TNFRSF8: variants seen among roughly 807,000 people sequenced by gnomAD.
TNFRSF8 encodes the protein TNF receptor superfamily member 8.
In TNFRSF8, 26 loss-of-function variants were observed where a neutral mutation model predicts 70.8. The ratio of observed to expected loss-of-function variants is 0.37; its 90% confidence interval spans 0.27 to 0.51. The LOEUF (loss-of-function observed/expected upper bound fraction) is 0.51. Among genes scored for constraint, TNFRSF8 ranks in the 20% least tolerant of loss-of-function variants. The pLI is 0.94. For missense variants in TNFRSF8, 720 were observed against 807.9 expected (o/e 0.89, Z 1.32); for synonymous variants, 356 against 339.2 (o/e 1.05, Z -0.54).
At chr1:12,081,013 A>G (rs1442096492) in intron 1 of TNFRSF8, among the ~76,000 whole-genome samples, 1 of 152,218 alleles carries the variant, frequency 6.6e-6, no homozygotes, top group African/African-American at 2.4e-5. Context: ...CTCATCTGTA[A>G]CATGGGGTAG....
rs144718893 is a variant in TNFRSF8 at position 12,083,913 on chromosome 1, C to T, written c.64-551C>T. ...TCAACACTAATAGAGCGATAGAAAT[C>T]AGCCTTTTGGGAGGAGTGTGTGGGA... On this transcript the variant is annotated intron_variant, in intron 1 of 14. Coordinates refer to ENST00000263932, the MANE Select transcript of TNFRSF8 (RefSeq NM_001243.5). Among the ~76,000 whole-genome samples the T allele has an allele frequency of 2.2e-4, 34 of 152,252 alleles. No individual in the cohort carries two copies. In the East Asian group the frequency reaches 6.6e-3, roughly 29 times the overall value.
chr1:12,125,882 C>A (rs770909036), intron 10 of TNFRSF8, 69 bp from the exon 11 acceptor site: 2 of 1,239,894 alleles, frequency 1.6e-6, no homozygotes, highest in Non-Finnish European at 2.4e-6. Flanking sequence ...AGGAGGAAGT[C>A]GTCTGGGGCT....
chr1:12,083,089 A>G (rs564332646), intron 1 of TNFRSF8, among the ~76,000 whole-genome samples: 19 of 152,360 alleles, frequency 1.2e-4, no homozygotes, highest in African/African-American at 4.3e-4. Context: ...AGAGAAATGC[A>G]AATAAAAACC....
chr1:12,072,743 A>G (rs1640869193), intron 1 of TNFRSF8, among the ~76,000 whole-genome samples: 1 of 152,184 alleles, frequency 6.6e-6, no homozygotes. Context: ...TCCTGCTCTC[A>G]GAGAGTGCGT....
chr1:12,113,062 T>G lies in TNFRSF8; in HGVS notation c.793+1048T>G, dbSNP rs1238612522. Reference sequence around the variant, plus strand: ...AAAACTTAATTGTGAAAACAAATCATTCTTTGTACTCACAGATTCTGTGAG... The same window carrying G: ...AAAACTTAATTGTGAAAACAAATCAGTCTTTGTACTCACAGATTCTGTGAG... On this transcript the variant is annotated intron_variant, in intron 7 of 14. Transcript: ENST00000263932. This position sits in a 1 kb window ranked among gnomAD's most constrained non-coding sequence, Gnocchi z 4.9. Among the ~76,000 whole-genome samples the G allele has an allele frequency of 6.6e-6, 1 of 152,252 alleles. No homozygotes were observed. The highest frequency in any genetic ancestry group is 1.5e-5 in the Non-Finnish European group (1 of 68,046).
intron 12 of TNFRSF8, among the ~76,000 whole-genome samples, chr1:12,129,860 A>G (rs984729344): frequency 5.9e-5 from 9 of 152,054 alleles, no homozygotes; most frequent in Non-Finnish European, 1.2e-4. Context: ...GTTACTTGAG[A>G]CTATGTCAAT....
At position 12,119,701 on chromosome 1, in the gene TNFRSF8, G is replaced by A. The variant is rs565004514; in HGVS notation, c.947-3583G>A. Among the ~76,000 whole-genome samples, 5 of 151,940 alleles carry A rather than the reference G, an allele frequency of 3.3e-5. No individual in the cohort carries two copies. Among genetic ancestry groups the A allele is most frequent in the East Asian group, 1.9e-4 (1 of 5,174 alleles). On this transcript the variant is annotated intron_variant, in intron 8 of 14. Transcript: ENST00000263932. The surrounding 1 kb of genome is among the most constrained non-coding windows in gnomAD (Gnocchi z 4.4). ...ACTGCAGCATTGAACTCCTGGGCTC[G>A]GGCGATCCTCCCACCTCAGCCTCCC...
intron 1 of TNFRSF8, among the ~76,000 whole-genome samples, chr1:12,084,026 C>G (rs1407397324): frequency 2.0e-5 from 3 of 152,160 alleles, no homozygotes; most frequent in African/African-American, 7.2e-5. Context: ...TGTAAAAATG[C>G]AGTTGGCTGT....
chr1:12,115,702 G>A lies in TNFRSF8; in HGVS notation c.919G>A (p.Ala307Thr). Residue 307 changes from alanine to threonine, a missense_variant, in exon 8 of 15, where the codon GCA (alanine) becomes ACA (threonine). By Grantham distance (58) the Ala-to-Thr change is moderately conservative (BLOSUM62 0). Transcript: ENST00000263932. ...CCGCTGTGTCCCCTACCCAATCTGT[G>A]CAGCAGAGACGGTCACCAAGCCCCA... Reference protein sequence around the residue: ...CARCVPYPICAAETVTKPQDM... With the variant: ...CARCVPYPICTAETVTKPQDM... 6.2e-7 allele frequency: 1 copy of A among 1,614,182 alleles called. No homozygotes were observed. The highest frequency in any genetic ancestry group is 8.5e-7 in the Non-Finnish European group (1 of 1,180,042).
Position 12,123,354 on chromosome 1 carries a change from A to G in TNFRSF8, c.1017A>G (p.Pro339=). The G allele has an allele frequency of 1.9e-6, 3 of 1,612,554 alleles. No homozygotes were observed. Among genetic ancestry groups the G allele is most frequent in the Non-Finnish European group, 2.5e-6 (3 of 1,179,490 alleles). Residue 339 remains proline (P), a synonymous_variant, in exon 9 of 15, where the codon CCA becomes CCG. Transcript: ENST00000263932. The stretch of plus-strand genomic sequence containing the variant: ...CCCAGCCGGACTGCAACCCCACCCC[A>G]GAGAATGGCGAGGCGCCTGCCAGGT... ...LGTQPDCNPT[P]ENGEAPASTS...
intron 12 of TNFRSF8, among the ~76,000 whole-genome samples, chr1:12,128,199 T>A (rs1279755402): frequency 2.6e-5 from 4 of 152,262 alleles, no homozygotes; most frequent in African/African-American, 4.8e-5. Flanking sequence ...TTGCAGGCTC[T>A]GTGCCGGGCC....
At position 12,106,098 on chromosome 1, in the gene TNFRSF8, G is replaced by A. The variant is rs199514928; in HGVS notation, c.421+1567G>A. On this transcript the variant is annotated intron_variant, in intron 4 of 14. Transcript: ENST00000263932. The stretch of plus-strand genomic sequence containing the variant: ...GGGCTTTTAGCGGTTCTTGGCGGGA[G>A]GATGAGGGGAAAACGTGTCTAAGCC... 1.4e-4 allele frequency among the ~76,000 whole-genome samples: 22 copies of A among 152,150 alleles called. No individual in the cohort carries two copies. The East Asian group carries it at 4.3e-3, about 29-fold the overall frequency.
At chr1:12,128,928 G>A (rs148294343) in intron 12 of TNFRSF8, among the ~76,000 whole-genome samples, 100 of 144,426 alleles carry the variant, frequency 6.9e-4, no homozygotes, top group African/African-American at 2.2e-3. Flanking sequence ...TCCGCCTCAC[G>A]GGTTCAAGTG....
intron 2 of TNFRSF8, among the ~76,000 whole-genome samples, chr1:12,085,990 C>T (rs920540172): frequency 7.2e-5 from 11 of 152,178 alleles, no homozygotes; most frequent in African/African-American, 2.7e-4. Flanking sequence ...GGTTCATCAT[C>T]GCCACTTCTT....
chr1:12,092,763 C>T (rs1251302756), intron 2 of TNFRSF8, among the ~76,000 whole-genome samples: 1 of 151,980 alleles, frequency 6.6e-6, no homozygotes, highest in Non-Finnish European at 1.5e-5. Flanking sequence ...CTGCCTCGAC[C>T]TCCCAAAGTG....
chr1:12,120,595 A>G (rs545121138), intron 8 of TNFRSF8, among the ~76,000 whole-genome samples: 1 of 152,356 alleles, frequency 6.6e-6, no homozygotes, highest in East Asian at 1.9e-4. Flanking sequence ...TGCTGAGACA[A>G]TTCTTTAAAT....
At chr1:12,097,307 A>G (rs1459987925) in intron 3 of TNFRSF8, 90 bp downstream of exon 3, 5 of 925,216 alleles carry the variant, frequency 5.4e-6, no homozygotes, top group Non-Finnish European at 8.6e-6. Flanking sequence ...GGTGGAGAGC[A>G]TCATGATTTG....
intron 4 of TNFRSF8, among the ~76,000 whole-genome samples, chr1:12,107,296 G>A (rs747924972): frequency 2.6e-5 from 4 of 152,090 alleles, no homozygotes; most frequent in Non-Finnish European, 4.4e-5. Context: ...TTGGGAGGCT[G>A]AGGCATGAGA....
intron 1 of TNFRSF8, among the ~76,000 whole-genome samples, chr1:12,074,556 A>C (rs538559094): frequency 1.3e-3 from 203 of 152,328 alleles, no homozygotes; most frequent in Non-Finnish European, 2.0e-3. Flanking sequence ...CTGGGATTAC[A>C]GGCATGAGCC....
Sources: allele counts gnomAD v4.1 joint callset (sites outside exome capture counted in the v4.1 genomes callset), GRCh38; gene constraint gnomAD v4.1.1; non-coding constraint Gnocchi (gnomAD v3.1); transcripts MANE v1.5; gene names NCBI Gene and HGNC (gene_info 2026-07-23, HGNC 2026-07-21).